Variants in SEL1L3 observed in about 807,000 individuals in gnomAD.
SEL1L3 encodes the protein SEL1L family member 3, also known as protein sel-1 homolog 3.
In SEL1L3, 76 loss-of-function variants were observed where a neutral mutation model predicts 142.8. That is an observed-to-expected ratio of 0.53 (90% CI 0.44 to 0.64). SEL1L3 has a LOEUF of 0.64. Among genes scored for constraint, SEL1L3 ranks in the 30% least tolerant of loss-of-function variants. The pLI, the probability that SEL1L3 is intolerant of heterozygous loss-of-function variation, is 0.00. For missense variants in SEL1L3, 1,262 were observed against 1,381.7 expected (o/e 0.91, Z 1.37); for synonymous variants, 504 against 519.6 (o/e 0.97, Z 0.41).
chr4:25,802,510 C>T (rs556717388), intron 10 of SEL1L3, 48 bp from the exon 11 acceptor site: 6 of 1,499,294 alleles, frequency 4.0e-6, no homozygotes, highest in Non-Finnish European at 5.5e-6. Context: ...TAGATAGGGT[C>T]ATAAAATCCT....
Position 25,804,587 on chromosome 4 carries a change from G to T in SEL1L3, c.1730C>A (p.Ala577Glu). Residue 577 changes from alanine to glutamate, a missense_variant, in exon 10 of 24, where the codon GCA (alanine) becomes GAA (glutamate). Ala to Glu is a moderately radical substitution (Grantham distance 107). Around this residue, in one of 3 missense-constraint regions of SEL1L3, gnomAD observed 435 missense variants for 559.2 expected, o/e 0.78. Coordinates refer to ENST00000399878, the MANE Select transcript of SEL1L3 (RefSeq NM_015187.5). The stretch of plus-strand genomic sequence containing the variant: ...ATTTAATCCAGTCTCATAAAAGACT[G>T]CAAGGTAGTAGGATGCTTTATGGTA... ...CGYHKASYYL[A>E]VFYETGLNVP... 1 of 1,613,712 alleles carries T rather than the reference G, an allele frequency of 6.2e-7. No individual in the cohort carries two copies. The highest frequency in any genetic ancestry group is 1.1e-5 in the South Asian group (1 of 91,020).
chr4:25,853,898 C>G (rs1166934143), intron 1 of SEL1L3, among the ~76,000 whole-genome samples: 1 of 152,106 alleles, frequency 6.6e-6, no homozygotes, highest in Non-Finnish European at 1.5e-5. Flanking sequence ...TCTCGAACTC[C>G]TGACCTCAGG....
chr4:25,856,699 A>G (rs1248645990), intron 1 of SEL1L3, among the ~76,000 whole-genome samples: 2 of 152,188 alleles, frequency 1.3e-5, no homozygotes, highest in Admixed American at 6.5e-5. Context: ...CTGGGAATCA[A>G]GAAACAGATG....
At chr4:25,724,698 C>A in the SEL1L3 span, among the ~76,000 whole-genome samples, 1 of 121,980 alleles carries the variant, frequency 8.2e-6, no homozygotes, top group East Asian at 2.8e-4. Context: ...GATGGCGCCA[C>A]TGCACTCCAG....
At chr4:25,765,536 G>T in intron 19 of SEL1L3, 101 bp from the exon 20 acceptor site, 1 of 733,180 alleles carries the variant, frequency 1.4e-6, no homozygotes, top group South Asian at 1.6e-5. Flanking sequence ...TTTCCTATTA[G>T]TATCTGAATA....
At position 25,818,231 on chromosome 4, in the gene SEL1L3, G is replaced by A; in HGVS notation, c.1471C>T (p.Pro491Ser). 5 of 1,603,548 alleles carry A rather than the reference G, an allele frequency of 3.1e-6. No individual in the cohort carries two copies. Among genetic ancestry groups the A allele is most frequent in the Non-Finnish European group, 4.3e-6 (5 of 1,175,074 alleles). The change falls in exon 9 of 24, where the codon CCC (proline) becomes TCC (serine). Residue 491 changes from proline (P) to serine (S), a missense_variant. Physicochemically the swap from Pro to Ser is moderately conservative, Grantham distance 74. Coordinates refer to ENST00000399878, the MANE Select transcript of SEL1L3 (RefSeq NM_015187.5). ...YLDLQRRYGR[P>S]SMCRAFPWEK... ...CAGGGGAAGGCTCTGCACATCGAGG[G>A]TCTCCCATACCTGCGCTGGAGGTCC... is the stretch of plus-strand genomic sequence containing the variant.
intron 17 of SEL1L3, among the ~76,000 whole-genome samples, chr4:25,772,095 T>G (rs902534319): frequency 6.6e-6 from 1 of 152,236 alleles, no homozygotes; most frequent in South Asian, 2.1e-4. Context: ...TACAGCAGAA[T>G]AGATGGTACC....
intron 2 of SEL1L3, 88 bp downstream of exon 2, chr4:25,847,206 A>T: frequency 9.0e-7 from 1 of 1,106,790 alleles, no homozygotes; most frequent in Non-Finnish European, 1.3e-6. Flanking sequence ...CCCCTTCGCT[A>T]ATAGAAGAAT....
intron 11 of SEL1L3, among the ~76,000 whole-genome samples, chr4:25,790,783 G>A (rs1248740448): frequency 6.9e-6 from 1 of 144,520 alleles, no homozygotes; most frequent in African/African-American, 2.6e-5. Flanking sequence ...AAGGAAGGAG[G>A]GAAGGAGGGA....
At chr4:25,801,174 A>G (rs543181142) in intron 11 of SEL1L3, among the ~76,000 whole-genome samples, 28 of 152,348 alleles carry the variant, frequency 1.8e-4, no homozygotes, top group African/African-American at 6.5e-4. Context: ...AGGGTGAGGC[A>G]TGCAGATCAC....
the SEL1L3 span, among the ~76,000 whole-genome samples, chr4:25,725,195 C>CA: frequency 6.6e-6 from 1 of 151,786 alleles, no homozygotes; most frequent in Non-Finnish European, 1.5e-5. Context: ...GGATCTTGCG[C>CA]AAAAAAGAAT....
chr4:25,776,990 G>A (rs1719680207), intron 16 of SEL1L3, among the ~76,000 whole-genome samples: 1 of 149,834 alleles, frequency 6.7e-6, no homozygotes, highest in African/African-American at 2.5e-5. Flanking sequence ...AAATGTAAAT[G>A]GACAAAATAC....
the SEL1L3 span, among the ~76,000 whole-genome samples, chr4:25,721,852 T>A: frequency 6.6e-6 from 1 of 152,208 alleles, no homozygotes; most frequent in African/African-American, 2.4e-5. Flanking sequence ...GCCAGTGGGA[T>A]CTCAGTGGAA....
chr4:25,745,440 AG>A (rs1717232242), downstream of SEL1L3, among the ~76,000 whole-genome samples: 1 of 151,818 alleles, frequency 6.6e-6, no homozygotes, highest in South Asian at 2.1e-4. Flanking sequence ...GAGCAGAGTG[AG>A]AAGCTGCATT....
At chr4:25,743,910 C>G (rs1717186708), downstream of SEL1L3, among the ~76,000 whole-genome samples, 1 of 152,078 alleles carries the variant, frequency 6.6e-6, no homozygotes, top group Non-Finnish European at 1.5e-5. Flanking sequence ...AGCTTGGACA[C>G]TAGGCTTGTG....
In SEL1L3 at chr4:25,747,922, A is replaced by T. The variant is rs938638781; in HGVS notation, c.*503T>A. 6.5e-6 allele frequency: 1 copy of T among 153,038 alleles called. No homozygotes were observed. The highest frequency in any genetic ancestry group is 2.4e-5 in the African/African-American group (1 of 41,446). 9.5% of individuals were successfully genotyped at this position (153,038 alleles called of 1,614,324 possible). On this transcript the variant is annotated 3_prime_UTR_variant, in exon 24 of 24. Transcript: ENST00000399878. ...CAAACAATTTATTTCAAGGTGCCTTATAACTGCTAGGTCTTGGAAGTCAAA... is the reference window on the plus strand; with the variant it reads ...CAAACAATTTATTTCAAGGTGCCTTTTAACTGCTAGGTCTTGGAAGTCAAA...
At position 25,818,138 on chromosome 4, in the gene SEL1L3, C is replaced by T. The variant is rs1411163169; in HGVS notation, c.1564G>A (p.Val522Met). 11 of 1,610,664 alleles carry T rather than the reference C, an allele frequency of 6.8e-6. No homozygotes were observed. Among genetic ancestry groups the T allele is most frequent in the East Asian group, 2.2e-5 (1 of 44,780 alleles). The change falls in exon 9 of 24, where the codon GTG becomes ATG. Residue 522 changes from valine (V) to methionine (M), a missense_variant and splice_region_variant. Physicochemically the swap from Val to Met is conservative, Grantham distance 21. Around this residue, in one of 3 missense-constraint regions of SEL1L3, gnomAD observed 689 missense variants for 692.8 expected, o/e 0.99. Coordinates refer to ENST00000399878, the MANE Select transcript of SEL1L3 (RefSeq NM_015187.5). The part of the protein sequence containing the change: ...QALLEMDLLT[V>M]PRNQNESVSE... Reference sequence around the variant, plus strand: ...AAAGCCGAGGCAAAGACTCAATTACCGGTCAGCAGATCCATCTCCAGCAAT... The same window carrying T: ...AAAGCCGAGGCAAAGACTCAATTACTGGTCAGCAGATCCATCTCCAGCAAT...
At chr4:25,813,107 G>C (rs76686315) in intron 9 of SEL1L3, among the ~76,000 whole-genome samples, 3,953 of 152,296 alleles carry the variant, frequency 0.026, 58 homozygotes, top group Middle Eastern at 0.061. Context: ...GGAATATAAA[G>C]GGTCCAGCTG....
At chr4:25,855,880 T>C (rs143256020) in intron 1 of SEL1L3, among the ~76,000 whole-genome samples, 11 of 152,240 alleles carry the variant, frequency 7.2e-5, no homozygotes, top group African/African-American at 2.7e-4. Flanking sequence ...CTTCTTCTTA[T>C]ACTCGTAAGT....
Sources: gnomAD v4.1 joint callset for allele counts (sites outside exome capture counted in the v4.1 genomes callset) on GRCh38, gnomAD v4.1.1 for gene constraint, gnomAD v4.1.1 regional missense constraint, MANE v1.5 for transcripts, NCBI Gene and HGNC (gene_info 2026-07-23, HGNC 2026-07-21) for gene names.